GTSE1: variants seen among roughly 807,000 people sequenced by gnomAD.
The protein encoded by GTSE1 is G2 and S phase-expressed protein 1.
A neutral mutation model predicts 60.5 loss-of-function variants in GTSE1; 52 were observed. That is an observed-to-expected ratio of 0.86 (90% CI 0.69 to 1.08). GTSE1 has a LOEUF of 1.08. GTSE1 is among the 50% of genes least tolerant of loss of function. GTSE1 has a pLI of 0.00. For synonymous variants in GTSE1, 368 were observed against 386.5 expected, an observed-to-expected ratio of 0.95 and a Z score of 0.56; for missense variants, 937 against 961.8, an observed-to-expected ratio of 0.97 and a Z score of 0.34.
In GTSE1 at chr22:46,309,029, C is replaced by A; in HGVS notation, c.762+86C>A. Reference sequence around the variant, plus strand: ...CACAGAAGCCACATGCGGAAAGCCTCAGAGGTGGCGAGTCTCTGAGGCCTA... The same window carrying A: ...CACAGAAGCCACATGCGGAAAGCCTAAGAGGTGGCGAGTCTCTGAGGCCTA... On this transcript the variant is annotated intron_variant, in intron 4 of 11. Transcript: ENST00000454366. The surrounding 1 kb of genome is among the most constrained non-coding windows in gnomAD (Gnocchi z 6.2). The A allele has an allele frequency of 6.9e-7, 1 of 1,449,110 alleles. No individual in the cohort carries two copies. The allele number at this position is 1,449,110 out of a possible 1,614,324, so 89.8% of individuals were successfully genotyped here. A position where few individuals can be genotyped will look rare whatever the true frequency, so the allele number is the denominator to read the frequency against.
In GTSE1 at chr22:46,324,048, T is replaced by A. The variant is rs1021486048; in HGVS notation, c.1505+786T>A. Among the ~76,000 whole-genome samples the A allele has an allele frequency of 7.2e-5, 11 of 152,290 alleles. No homozygotes were observed. Among genetic ancestry groups the A allele is most frequent in the Non-Finnish European group, 1.3e-4 (9 of 68,022 alleles). ...TCCTGGTCTTTGATCCAGTTTAAGT[T>A]CCCGAATGTTGCTGACCTTTTTCCT... is the stretch of plus-strand genomic sequence containing the variant. On this transcript the variant is annotated intron_variant, in intron 8 of 11. Coordinates refer to ENST00000454366, the MANE Select transcript of GTSE1 (RefSeq NM_016426.7). The surrounding 1 kb of genome is among the most constrained non-coding windows in gnomAD (Gnocchi z 5.2).
rs901074623 is a variant in GTSE1, at chr22:46,304,395, C to T, written c.80-3755C>T. Among the ~76,000 whole-genome samples, 1 of 152,218 alleles carries T rather than the reference C, an allele frequency of 6.6e-6. No homozygotes were observed. The highest frequency in any genetic ancestry group is 1.5e-5 in the Non-Finnish European group (1 of 68,048). ...AAGGAATACTTCTGACGTTATCCCACTGAACCTAATGCTGGCTTTGGGTTG... is the reference window on the plus strand; with the variant it reads ...AAGGAATACTTCTGACGTTATCCCATTGAACCTAATGCTGGCTTTGGGTTG... On this transcript the variant is annotated intron_variant, in intron 2 of 11. Transcript: ENST00000454366. The surrounding 1 kb of genome is among the most constrained non-coding windows in gnomAD (Gnocchi z 4.4).
rs762376969 is a variant in GTSE1, at chr22:46,308,482, G to A, written c.301G>A (p.Val101Met). ...SPLAGEKFVE[V>M]YKEAHLLALH... ...TCTGGCCGGGGAGAAGTTCGTGGAG[G>A]TGTACAAAGAAGCTCACTTACTGGC... The change falls in exon 4 of 12, where the codon GTG becomes ATG. Residue 101 changes from valine to methionine, a missense_variant. Val to Met is a conservative substitution (Grantham distance 21). Transcript: ENST00000454366. The A allele has an allele frequency of 6.2e-6, 10 of 1,614,198 alleles. No homozygotes were observed. In the East Asian group the frequency reaches 2.2e-4, roughly 36 times the overall value.
In GTSE1 at chr22:46,317,155, C is replaced by T. The variant is rs957049924; in HGVS notation, c.1432+743C>T. ...TTTTTTTTTGTATTTTTGGTAGAGA[C>T]GGGGTTTCGCCATGTTGGCCAGGCT... On this transcript the variant is annotated intron_variant, in intron 7 of 11. Transcript: ENST00000454366. The surrounding 1 kb of genome is among the most constrained non-coding windows in gnomAD (Gnocchi z 5.6). Among the ~76,000 whole-genome samples, 51 of 151,914 alleles carry T rather than the reference C, an allele frequency of 3.4e-4. 1 individual carries two copies. The highest frequency in any genetic ancestry group is 8.3e-4 in the South Asian group (4 of 4,826).
intron 2 of GTSE1, among the ~76,000 whole-genome samples, chr22:46,306,566 T>C (rs915359192): frequency 1.3e-5 from 2 of 151,518 alleles, no homozygotes; most frequent in Non-Finnish European, 2.9e-5. Context: ...TTGCAACATC[T>C]ACCTCCGAGG....
rs1201828353 is a variant in GTSE1 at position 46,301,487 on chromosome 22, C to CT, written c.79+4025dup. 1.8e-3 allele frequency among the ~76,000 whole-genome samples: 218 copies of CT among 124,022 alleles called. 2 individuals are homozygous for CT. The highest frequency in any genetic ancestry group is 0.013 in the Middle Eastern group (3 of 236). 81.4% of individuals were successfully genotyped at this position (124,022 alleles called of 152,430 possible). A position where few individuals can be genotyped will look rare whatever the true frequency, so the allele number is the denominator to read the frequency against. On this transcript the variant is annotated intron_variant, in intron 2 of 11. Transcript: ENST00000454366. ...TCTCAGAGCAAGTTTATTTTTAATA[C>CT]TTTTTTTTTTTTTTTTTAAGACAGA...
Position 46,312,264 on chromosome 22 carries a change from C to G in GTSE1, c.886C>G (p.His296Asp). ...TGTCAATGTGCCGGCCGCCGGAAGC[C>G]ACTTGGGCCAGGGCAAGCGGGCGAT... Reference protein sequence around the residue: ...GAVNVPAAGSHLGQGKRAIPV... With the variant: ...GAVNVPAAGSDLGQGKRAIPV... Residue 296 changes from histidine to aspartate, a missense_variant, in exon 5 of 12, where the codon CAC becomes GAC. Physicochemically the swap from His to Asp is moderately conservative, Grantham distance 81. Transcript: ENST00000454366. 1 of 1,614,054 alleles carries G rather than the reference C, an allele frequency of 6.2e-7. No homozygotes were observed. The highest frequency in any genetic ancestry group is 8.5e-7 in the Non-Finnish European group (1 of 1,179,956).
intron 8 of GTSE1, among the ~76,000 whole-genome samples, chr22:46,325,850 G>A (rs761429192): frequency 2.2e-4 from 34 of 152,352 alleles, no homozygotes; most frequent in Non-Finnish European, 4.0e-4. Context: ...ACACAAGAAA[G>A]CAACAGTTAG....
At chr22:46,302,747 T>G (rs993027137) in intron 2 of GTSE1, among the ~76,000 whole-genome samples, 14 of 152,272 alleles carry the variant, frequency 9.2e-5, no homozygotes, top group African/African-American at 3.1e-4. Flanking sequence ...AGCTGATTCT[T>G]GTTTGTTTAG....
intron 5 of GTSE1, among the ~76,000 whole-genome samples, chr22:46,312,994 T>A (rs1369371669): frequency 6.6e-6 from 1 of 151,308 alleles, no homozygotes; most frequent in African/African-American, 2.4e-5. Context: ...GAGGCCCCCA[T>A]CTCCATTAAA....
Position 46,304,771 on chromosome 22 carries a change from C to A in GTSE1, c.80-3379C>A, listed in dbSNP as rs1275325445. Among the ~76,000 whole-genome samples the A allele has an allele frequency of 1.3e-5, 2 of 152,044 alleles. No homozygotes were observed. The highest frequency in any genetic ancestry group is 2.1e-4 in the South Asian group (1 of 4,808). On this transcript the variant is annotated intron_variant, in intron 2 of 11. Transcript: ENST00000454366. The surrounding 1 kb of genome is among the most constrained non-coding windows in gnomAD (Gnocchi z 4.4). ...AGGTAGGAGGAATGCTTGTTCCCAGCAGTTTGAGACCAGCCTGGGCAACAT... is the reference window on the plus strand; with the variant it reads ...AGGTAGGAGGAATGCTTGTTCCCAGAAGTTTGAGACCAGCCTGGGCAACAT...
At position 46,329,393 on chromosome 22, in the gene GTSE1, G is replaced by A. The variant is rs756426814; in HGVS notation, c.1962G>A (p.Ala654=). 37 of 1,613,952 alleles carry A rather than the reference G, an allele frequency of 2.3e-5. No individual in the cohort carries two copies. The highest frequency in any genetic ancestry group is 5.0e-5 in the Admixed American group (3 of 59,990). ...TAGATATCAAACTGGAACCACTCGC[G>A]GTCACTCCAGATGCTGCAAGCCAGC... ...LLVDIKLEPL[A]VTPDAASQPL... Residue 654 remains alanine, a synonymous_variant, in exon 11 of 12, where the codon GCG becomes GCA. Transcript: ENST00000454366. This position sits in a 1 kb window ranked among gnomAD's most constrained non-coding sequence, Gnocchi z 6.4.
In GTSE1 at chr22:46,316,220, C is replaced by G. The variant is rs199850413; in HGVS notation, c.1240C>G (p.Pro414Ala). The G allele has an allele frequency of 8.1e-6, 13 of 1,613,770 alleles. No homozygotes were observed. The highest frequency in any genetic ancestry group is 1.0e-5 in the Non-Finnish European group (12 of 1,179,994). Residue 414 changes from proline to alanine, a missense_variant, in exon 7 of 12, where the codon CCC becomes GCC. Transcript: ENST00000454366. This position sits in a 1 kb window ranked among gnomAD's most constrained non-coding sequence, Gnocchi z 5.0. ...GGCAGCGGAGCAGCTCACGGCACCC[C>G]CCTCAGCATCCCCCACCCAACCCCA... is the stretch of plus-strand genomic sequence containing the variant. ...ELAAEQLTAP[P>A]SASPTQPQTP...
At chr22:46,299,162 G>A (rs2077674931) in intron 2 of GTSE1, among the ~76,000 whole-genome samples, 1 of 152,216 alleles carries the variant, frequency 6.6e-6, no homozygotes. Context: ...GACGCTCTTG[G>A]TTTTTTCCTC....
chr22:46,314,825 G>A lies in GTSE1; in HGVS notation c.1051+812G>A, dbSNP rs1245132268. On this transcript the variant is annotated intron_variant, in intron 6 of 11. Transcript: ENST00000454366. The surrounding 1 kb of genome is among the most constrained non-coding windows in gnomAD (Gnocchi z 7.1). The stretch of plus-strand genomic sequence containing the variant: ...CGGGAGGCAGAGGTTACCATGAGCC[G>A]AGATTGCATCACTGCACTCCGTCTC... Among the ~76,000 whole-genome samples, 4 of 147,806 alleles carry A rather than the reference G, an allele frequency of 2.7e-5. No homozygotes were observed. Among genetic ancestry groups the A allele is most frequent in the African/African-American group, 7.6e-5 (3 of 39,438 alleles).
rs1029286222 is a variant in GTSE1, at chr22:46,309,511, G to A, written c.762+568G>A. 2.0e-5 allele frequency among the ~76,000 whole-genome samples: 3 copies of A among 152,122 alleles called. No homozygotes were observed. The highest frequency in any genetic ancestry group is 3.9e-4 in the East Asian group (2 of 5,176). On this transcript the variant is annotated intron_variant, in intron 4 of 11. Coordinates refer to ENST00000454366, the MANE Select transcript of GTSE1 (RefSeq NM_016426.7). The surrounding 1 kb of genome is among the most constrained non-coding windows in gnomAD (Gnocchi z 6.2). The stretch of plus-strand genomic sequence containing the variant: ...GAGGCCACAGAGAGGAAGACGGGGC[G>A]GGTGGGAGCCCCGGGGCCCACCCTG...
rs34051708 is a variant in GTSE1, at chr22:46,302,895, CT to C, written c.80-5237del. ...TTAATACCATTTTTTCACTTTCCCT[CT>C]TTTTTTTTTTTTTTTTTCTTTGAGT... On this transcript the variant is annotated intron_variant, in intron 2 of 11. Coordinates refer to ENST00000454366, the MANE Select transcript of GTSE1 (RefSeq NM_016426.7). Among the ~76,000 whole-genome samples, 645 of 131,354 alleles carry C rather than the reference CT, an allele frequency of 4.9e-3. 4 individuals carry two copies. The highest frequency in any genetic ancestry group is 0.018 in the Admixed American group (226 of 12,904). The allele number at this position is 131,354 out of a possible 152,430, so 86.2% of individuals were successfully genotyped here. A position where few individuals can be genotyped will look rare whatever the true frequency, so the allele number is the denominator to read the frequency against.
intron 2 of GTSE1, among the ~76,000 whole-genome samples, chr22:46,307,511 CT>C (rs60566111): frequency 4.7e-5 from 7 of 148,756 alleles, no homozygotes; most frequent in African/African-American, 4.9e-5. Flanking sequence ...GATGTAATTT[CT>C]TTTTTTTTTG....
Position 46,297,271 on chromosome 22 carries a change from C to A in GTSE1, c.-21-109C>A. On this transcript the variant is annotated intron_variant, in intron 1 of 11. Coordinates refer to ENST00000454366, the MANE Select transcript of GTSE1 (RefSeq NM_016426.7). The surrounding 1 kb of genome is among the most constrained non-coding windows in gnomAD (Gnocchi z 4.9). ...CGGCCCCCGCGCCGCCTCTCCCAGA[C>A]CTGGCCGCGGCCTTCAGCTCTCTCT... 2 of 728,308 alleles carry A rather than the reference C, an allele frequency of 2.7e-6. No homozygotes were observed. Among genetic ancestry groups the A allele is most frequent in the East Asian group, 5.3e-5 (2 of 37,774 alleles). 45.1% of individuals were successfully genotyped at this position (728,308 alleles called of 1,614,324 possible). A position where few individuals can be genotyped will look rare whatever the true frequency, so the allele number is the denominator to read the frequency against.
Sources: allele counts gnomAD v4.1 joint callset (sites outside exome capture counted in the v4.1 genomes callset), GRCh38; gene constraint gnomAD v4.1.1; non-coding constraint Gnocchi (gnomAD v3.1); transcripts MANE v1.5; gene names NCBI Gene and HGNC (gene_info 2026-07-23, HGNC 2026-07-21).